The following LRP1 variants were observed in gnomAD, a reference collection of about 807,000 sequenced individuals.
The protein encoded by LRP1 is prolow-density lipoprotein receptor-related protein 1.
Under a neutral mutation model 541.5 loss-of-function variants are expected in LRP1, and 51 were observed. The ratio of observed to expected loss-of-function variants is 0.09; its 90% confidence interval spans 0.08 to 0.12. The LOEUF (loss-of-function observed/expected upper bound fraction) is 0.12. Among genes scored for constraint, LRP1 ranks in the 10% least tolerant of loss-of-function variants. The pLI is 1.00. For missense variants in LRP1, 3,878 were observed against 6,376.2 expected (o/e 0.61, Z 13.34); for synonymous variants, 2,219 against 2,470.8 (o/e 0.90, Z 3.02).
intron 1 of LRP1, among the ~76,000 whole-genome samples, chr12:57,135,440 T>C (rs745761006): frequency 2.6e-5 from 4 of 152,228 alleles, no homozygotes; most frequent in Non-Finnish European, 5.9e-5. Flanking sequence ...AACTCAGCTC[T>C]CTCCCAGCTC....
In LRP1 at chr12:57,191,499, C is replaced by T. The variant is rs755525890; in HGVS notation, c.7416C>T (p.Asn2472=). The change falls in exon 44 of 89, where the codon AAC becomes AAT. Residue 2472 remains asparagine (N), a synonymous_variant. Transcript: ENST00000243077. ...QQPMGIIAVA[N]DTNSCELSPC... ...CCATGGGCATCATCGCCGTGGCCAA[C>T]GACACCAACAGCTGTGAGTGGGGCT... 2.6e-5 allele frequency: 42 copies of T among 1,593,502 alleles called. No homozygotes were observed. The highest frequency in any genetic ancestry group is 8.4e-5 in the Admixed American group (5 of 59,392).
rs146727730 is a variant in LRP1, at chr12:57,146,278, G to C, written c.841+788G>C. On this transcript the variant is annotated intron_variant, in intron 6 of 88. Transcript: ENST00000243077. ...AAAGAAATGCACCACAGGGCTGAGA[G>C]GAAGAATCTGGCCTGTGGTTGATCT... Among the ~76,000 whole-genome samples, 6 of 152,280 alleles carry C rather than the reference G, an allele frequency of 3.9e-5. 1 individual carries two copies. Among genetic ancestry groups the C allele is most frequent in the Middle Eastern group, 3.4e-3 (1 of 294 alleles).
At position 57,197,357 on chromosome 12, in the gene LRP1, C is replaced by T. The variant is rs753622973; in HGVS notation, c.9135C>T (p.Asp3045=). The T allele has an allele frequency of 8.7e-6, 14 of 1,613,628 alleles. No individual in the cohort carries two copies. Among genetic ancestry groups the T allele is most frequent in the South Asian group, 4.4e-5 (4 of 91,024 alleles). ...ACTACCTGCGCAAGCTCAACCTGGACGGGTCCAACTACACGTTACTTAAGC... is the reference window on the plus strand; with the variant it reads ...ACTACCTGCGCAAGCTCAACCTGGATGGGTCCAACTACACGTTACTTAAGC... ...NRYYLRKLNL[D]GSNYTLLKQG... is the part of the protein sequence containing the mutation. Residue 3045 remains aspartate, a synonymous_variant, in exon 57 of 89, where the codon GAC becomes GAT. Transcript: ENST00000243077. The surrounding 1 kb of genome is among the most constrained non-coding windows in gnomAD (Gnocchi z 4.5).
At position 57,212,739 on chromosome 12, in the gene LRP1, C is replaced by A; in HGVS notation, c.*184C>A. 1 of 634,418 alleles carries A rather than the reference C, an allele frequency of 1.6e-6. No homozygotes were observed. Among genetic ancestry groups the A allele is most frequent in the Non-Finnish European group, 2.6e-6 (1 of 385,000 alleles). 39.3% of individuals were successfully genotyped at this position (634,418 alleles called of 1,614,324 possible). ...AGCGAGCACAGTATTATTTCTCCAT[C>A]CCCTCCCTGCCTGCTCCTTGGCACC... On this transcript the variant is annotated 3_prime_UTR_variant, in exon 89 of 89. Transcript: ENST00000243077. The surrounding 1 kb of genome is among the most constrained non-coding windows in gnomAD (Gnocchi z 5.0).
rs974707326 is a variant in LRP1, at chr12:57,141,949, C to T, written c.328+438C>T. On this transcript the variant is annotated intron_variant, in intron 3 of 88. Transcript: ENST00000243077. The stretch of plus-strand genomic sequence containing the variant: ...TAGTTTAGTCCACCTGCCGCCCCTA[C>T]GGGTGCCCTAGAAGGCATCCCCCAG... 7.2e-5 allele frequency among the ~76,000 whole-genome samples: 11 copies of T among 152,298 alleles called. No homozygotes were observed. In the East Asian group the frequency reaches 7.7e-4, roughly 11 times the overall value.
Position 57,136,856 on chromosome 12 carries a change from C to T in LRP1, c.68-1603C>T, listed in dbSNP as rs145241429. Among the ~76,000 whole-genome samples the T allele has an allele frequency of 3.8e-3, 580 of 152,296 alleles. 2 individuals carry two copies. The highest frequency in any genetic ancestry group is 6.8e-3 in the Middle Eastern group (2 of 294). On this transcript the variant is annotated intron_variant, in intron 1 of 88. Coordinates refer to ENST00000243077, the MANE Select transcript of LRP1 (RefSeq NM_002332.3). ...TGTGAAATGGTGGTATTAGTTGTCCCTATTTGTCATACTGTGGAGGGAATT... is the reference window on the plus strand; with the variant it reads ...TGTGAAATGGTGGTATTAGTTGTCCTTATTTGTCATACTGTGGAGGGAATT...
chr12:57,206,051 C>T lies in LRP1; in HGVS notation c.11590+374C>T, dbSNP rs1475003522. ...ACATGCCTGTACACAGACATTCACA[C>T]ACACCCCTGGCACACACACCCCCAC... is the stretch of plus-strand genomic sequence containing the variant. On this transcript the variant is annotated intron_variant, in intron 75 of 88. Transcript: ENST00000243077. This position sits in a 1 kb window ranked among gnomAD's most constrained non-coding sequence, Gnocchi z 4.7. Among the ~76,000 whole-genome samples, 1 of 152,204 alleles carries T rather than the reference C, an allele frequency of 6.6e-6. No homozygotes were observed. Among genetic ancestry groups the T allele is most frequent in the Non-Finnish European group, 1.5e-5 (1 of 68,026 alleles).
At chr12:57,202,333 C>A in intron 67 of LRP1, 88 bp from the exon 68 acceptor site, 1 of 1,075,772 alleles carries the variant, frequency 9.3e-7, no homozygotes. Context: ...GCCCACCCTC[C>A]CTGCCAGGCC....
rs1231013802 is a variant in LRP1, at chr12:57,131,033, A to G, written c.67+2002A>G. Among the ~76,000 whole-genome samples the G allele has an allele frequency of 2.6e-5, 4 of 152,176 alleles. No individual in the cohort carries two copies. The South Asian group carries it at 6.2e-4, about 24-fold the overall frequency. On this transcript the variant is annotated intron_variant, in intron 1 of 88. Coordinates refer to ENST00000243077, the MANE Select transcript of LRP1 (RefSeq NM_002332.3). ...TGCATAGAAATGTAAGTTCAACTCTATCCAGAGGCAGCCTAGGGGATCCCT... is the reference window on the plus strand; with the variant it reads ...TGCATAGAAATGTAAGTTCAACTCTGTCCAGAGGCAGCCTAGGGGATCCCT...
intron 20 of LRP1, among the ~76,000 whole-genome samples, chr12:57,169,755 C>A (rs1486021858): frequency 6.6e-6 from 1 of 152,216 alleles, no homozygotes; most frequent in Non-Finnish European, 1.5e-5. Context: ...ATGCTGCAGG[C>A]AGGGATGAAT....
Position 57,205,930 on chromosome 12 carries a change from A to C in LRP1, c.11590+253A>C. On this transcript the variant is annotated intron_variant, in intron 75 of 88. Transcript: ENST00000243077. This position sits in a 1 kb window ranked among gnomAD's most constrained non-coding sequence, Gnocchi z 4.6. ...ACACACCTCCTCACCCACCACTGCCAGGACGAGAGTACACTCAGACACGCA... is the reference window on the plus strand; with the variant it reads ...ACACACCTCCTCACCCACCACTGCCCGGACGAGAGTACACTCAGACACGCA... 1 of 576,526 alleles carries C rather than the reference A, an allele frequency of 1.7e-6. No individual in the cohort carries two copies. The highest frequency in any genetic ancestry group is 3.1e-6 in the Non-Finnish European group (1 of 323,690). 35.7% of individuals were successfully genotyped at this position (576,526 alleles called of 1,614,324 possible). A position where few individuals can be genotyped will look rare whatever the true frequency, so the allele number is the denominator to read the frequency against.
At position 57,188,524 on chromosome 12, in the gene LRP1, C is replaced by T. The variant is rs148133705; in HGVS notation, c.7031+1068C>T. Among the ~76,000 whole-genome samples the T allele has an allele frequency of 4.8e-3, 732 of 152,286 alleles. 10 individuals carry two copies. The highest frequency in any genetic ancestry group is 0.017 in the African/African-American group (693 of 41,536). On this transcript the variant is annotated intron_variant, in intron 42 of 88. Coordinates refer to ENST00000243077, the MANE Select transcript of LRP1 (RefSeq NM_002332.3). ...AGCTGATGATGAAGGTCCAGTCCCC[C>T]CTTCCATGACCCTCGGCTGCCTCAC...
chr12:57,202,330 C>G (rs556086987), intron 67 of LRP1, 91 bp from the exon 68 acceptor site: 1 of 1,041,738 alleles, frequency 9.6e-7, no homozygotes, highest in East Asian at 2.4e-5. Context: ...GATGCCCACC[C>G]TCCCTGCCAG....
In LRP1 at chr12:57,143,818, T is replaced by C. The variant is rs367788138; in HGVS notation, c.448+20T>C. On this transcript the variant is annotated intron_variant, in intron 4 of 88. Transcript: ENST00000243077. ...GCAAAGGTATGTGAGTGCATGTGCC[T>C]GTGTGCATGTGTGTGTGCCAGTAGC... 20 of 1,599,994 alleles carry C rather than the reference T, an allele frequency of 1.3e-5. No individual in the cohort carries two copies. The African/African-American group carries it at 2.5e-4, about 20-fold the overall frequency.
intron 48 of LRP1, 97 bp downstream of exon 48, chr12:57,194,109 C>T (rs2036473897): frequency 5.2e-6 from 6 of 1,154,324 alleles, no homozygotes; most frequent in Non-Finnish European, 6.3e-6. Context: ...ACATTCCTCT[C>T]TGCCTTCCCT....
Position 57,210,162 on chromosome 12 carries a change from C to G in LRP1, c.12573C>G (p.Pro4191=). 4.4e-6 allele frequency: 7 copies of G among 1,598,462 alleles called. No homozygotes were observed. The highest frequency in any genetic ancestry group is 1.3e-5 in the African/African-American group (1 of 74,674). The change falls in exon 81 of 89, where the codon CCC becomes CCG. Residue 4191 remains proline (P), a synonymous_variant. Coordinates refer to ENST00000243077, the MANE Select transcript of LRP1 (RefSeq NM_002332.3). ...TCVPVPSPTP[P]PDAPRPGTCN... is the part of the protein sequence containing the mutation. ...TGCCTGTGCCCTCTCCAACGCCCCC[C>G]CCAGATGGTATGCTTATGCCCTCCC...
rs1241463168 is a variant in LRP1, at chr12:57,177,153, C to T, written c.4104C>T (p.Ile1368=). Residue 1368 remains isoleucine (I), a synonymous_variant, in exon 25 of 89, where the codon ATC becomes ATT. Transcript: ENST00000243077. This position sits in a 1 kb window ranked among gnomAD's most constrained non-coding sequence, Gnocchi z 6.8. ...IYWVESNLDQ[I]EVAKLDGTLR... is the part of the protein sequence containing the mutation. ...GGGTGGAGAGTAACCTGGATCAGAT[C>T]GAGGTGGCCAAGCTGGATGGGACCC... is the stretch of plus-strand genomic sequence containing the variant. The T allele has an allele frequency of 5.0e-6, 8 of 1,614,080 alleles. No homozygotes were observed. Among genetic ancestry groups the T allele is most frequent in the South Asian group, 2.2e-5 (2 of 91,090 alleles).
rs1294048945 is a variant in LRP1 at position 57,159,959 on chromosome 12, G to A, written c.1933G>A (p.Gly645Ser). The A allele has an allele frequency of 1.8e-5, 29 of 1,614,124 alleles. No homozygotes were observed. The highest frequency in any genetic ancestry group is 2.5e-5 in the Non-Finnish European group (29 of 1,180,020). Residue 645 changes from glycine (G) to serine (S), a missense_variant, in exon 12 of 89, where the codon GGC becomes AGC. Transcript: ENST00000243077. ...AAQTRKTLIE[G>S]KMTHPRAIVV... ...TCAGACCCGCAAGACTTTAATCGAGGGCAAAATGACACACCCCAGGGCTAT... is the reference window on the plus strand; with the variant it reads ...TCAGACCCGCAAGACTTTAATCGAGAGCAAAATGACACACCCCAGGGCTAT...
rs1350101828 is a variant in LRP1 at position 57,195,106 on chromosome 12, G to C, written c.8308+5G>C. ...CAGACGAGGCTGCTCACTGTGGTAA[G>C]GAAGCTGGGATTGGGCCGGGGGAGG... is the stretch of plus-strand genomic sequence containing the variant. On this transcript the variant is annotated splice_donor_5th_base_variant and intron_variant, in intron 51 of 88. Coordinates refer to ENST00000243077, the MANE Select transcript of LRP1 (RefSeq NM_002332.3). 1 of 1,611,818 alleles carries C rather than the reference G, an allele frequency of 6.2e-7. No homozygotes were observed. The highest frequency in any genetic ancestry group is 8.5e-7 in the Non-Finnish European group (1 of 1,178,202).
Sources: allele counts gnomAD v4.1 joint callset (sites outside exome capture counted in the v4.1 genomes callset), GRCh38; gene constraint gnomAD v4.1.1; non-coding constraint Gnocchi (gnomAD v3.1); transcripts MANE v1.5; gene names NCBI Gene and HGNC (gene_info 2026-07-23, HGNC 2026-07-21).